LAMA4: variants seen among roughly 807,000 people sequenced by gnomAD.
LAMA4 encodes the protein laminin subunit alpha 4, also known as laminin subunit alpha-4.
Under a neutral mutation model 207.1 loss-of-function variants are expected in LAMA4, and 127 were observed. The ratio of observed to expected loss-of-function variants is 0.61; its 90% CI spans 0.53 to 0.71. The LOEUF (loss-of-function observed/expected upper bound fraction) is 0.71. Ranked by LOEUF, LAMA4 falls within the 30% of genes least tolerant of loss-of-function variation. The pLI, the probability that LAMA4 is intolerant of heterozygous loss-of-function variation, is 0.00. For missense variants in LAMA4, 2,093 were observed against 2,246.5 expected (o/e 0.93, Z 1.38); for synonymous variants, 761 against 816.0 (o/e 0.93, Z 1.15).
At chr6:112,146,215 G>A (rs561571814) in intron 18 of LAMA4, among the ~76,000 whole-genome samples, 16 of 152,042 alleles carry the variant, frequency 1.1e-4, no homozygotes, top group South Asian at 4.2e-4. Context: ...GCTTGAACCC[G>A]AGAGGCAGAG....
Position 112,129,870 on chromosome 6 carries a change from T to C in LAMA4, c.4133+6A>G. Reference sequence around the variant, plus strand: ...TGCAGATTCATTAATAATAAAAATATTATACCTGGTAAAGTAGGCATTACT... The same window carrying C: ...TGCAGATTCATTAATAATAAAAATACTATACCTGGTAAAGTAGGCATTACT... On this transcript the variant is annotated splice_donor_region_variant and intron_variant, in intron 30 of 38. Coordinates refer to ENST00000230538, the MANE Select transcript of LAMA4 (RefSeq NM_001105206.3). 6.4e-7 allele frequency: 1 copy of C among 1,557,002 alleles called. No homozygotes were observed. The highest frequency in any genetic ancestry group is 8.7e-7 in the Non-Finnish European group (1 of 1,143,394).
chr6:112,189,012 C>T (rs1260093303), intron 7 of LAMA4, 98 bp downstream of exon 7: 2 of 870,764 alleles, frequency 2.3e-6, no homozygotes, highest in East Asian at 2.6e-5. Flanking sequence ...TGGGACTCAG[C>T]AGTTTCTAGA....
rs146857350 is a variant in LAMA4 at position 112,197,267 on chromosome 6, T to A, written c.503+4341A>T. On this transcript the variant is annotated intron_variant, in intron 5 of 38. Coordinates refer to ENST00000230538, the MANE Select transcript of LAMA4 (RefSeq NM_001105206.3). The stretch of plus-strand genomic sequence containing the variant: ...GTTTAAAGTGTGAGGTGGGAGAAGG[T>A]TTTTAGGGAGGAAAGACAGGTAGGG... Among the ~76,000 whole-genome samples the A allele has an allele frequency of 7.9e-3, 1,200 of 152,048 alleles. 4 individuals carry two copies. The highest frequency in any genetic ancestry group is 0.012 in the Non-Finnish European group (807 of 67,990).
chr6:112,171,991 G>C (rs1781745258), intron 12 of LAMA4: 1 of 154,092 alleles, frequency 6.5e-6, no homozygotes. Context: ...CCTATCAAAA[G>C]ATGGCCCCTC....
Position 112,148,165 on chromosome 6 carries a change from C to T in LAMA4, c.2345G>A (p.Arg782Lys). 6.2e-7 allele frequency: 1 copy of T among 1,613,682 alleles called. No individual in the cohort carries two copies. Among genetic ancestry groups the T allele is most frequent in the African/African-American group, 1.3e-5 (1 of 75,042 alleles). The change falls in exon 18 of 39, where the codon AGG (arginine) becomes AAG (lysine). Residue 782 changes from arginine (R) to lysine (K), a missense_variant. Arg to Lys is a conservative substitution (Grantham distance 26). Transcript: ENST00000230538. ...AAATTTCTAAGTGATACCTGCATCC[C>T]TAGCAGAGTTCACTGCAGTGTTGTA... The part of the protein sequence containing the change: ...SAYNTAVNSA[R>K]DAVRNLTEVV...
At chr6:112,185,061 A>C (rs1782602264) in intron 9 of LAMA4, among the ~76,000 whole-genome samples, 176 bp downstream of exon 9, 1 of 152,216 alleles carries the variant, frequency 6.6e-6, no homozygotes, top group Non-Finnish European at 1.5e-5. Context: ...GAGACGGTAG[A>C]GACTGAGTAT....
intron 2 of LAMA4, chr6:112,253,602 G>A: frequency 2.6e-6 from 2 of 773,206 alleles, no homozygotes; most frequent in Non-Finnish European, 4.4e-6. Flanking sequence ...GGGCACACAC[G>A]TTAAGTGCCG....
At chr6:112,215,201 A>C (rs1478356012) in intron 3 of LAMA4, among the ~76,000 whole-genome samples, 2 of 152,224 alleles carry the variant, frequency 1.3e-5, no homozygotes, top group African/African-American at 4.8e-5. Flanking sequence ...GTGACAGAGG[A>C]CATCCTGGTT....
intron 2 of LAMA4, among the ~76,000 whole-genome samples, chr6:112,224,381 G>A (rs1319428681): frequency 6.6e-6 from 1 of 151,572 alleles, no homozygotes; most frequent in Non-Finnish European, 1.5e-5. Flanking sequence ...CCTTCTTCTT[G>A]TCCAGCAGAT....
At position 112,155,602 on chromosome 6, in the gene LAMA4, G is replaced by C. The variant is rs397516718; in HGVS notation, c.1922C>G (p.Ala641Gly). 6.2e-7 allele frequency: 1 copy of C among 1,614,066 alleles called. No homozygotes were observed. Among genetic ancestry groups the C allele is most frequent in the South Asian group, 1.1e-5 (1 of 91,076 alleles). ...VNYVSEANET[A>G]EFALNTTDRI... ...GTCAGTGGTGTTCAAAGCAAATTCT[G>C]CTGTTTCATTGGCTTCACTAACATA... is the stretch of plus-strand genomic sequence containing the variant. Residue 641 changes from alanine to glycine, a missense_variant, in exon 15 of 39, where the codon GCA becomes GGA. Ala to Gly is a moderately conservative substitution (Grantham distance 60). Around this residue, in one of 3 missense-constraint regions of LAMA4, gnomAD observed 1,704 missense variants for 1,788.4 expected, o/e 0.95. Coordinates refer to ENST00000230538, the MANE Select transcript of LAMA4 (RefSeq NM_001105206.3).
At chr6:112,144,036 C>T (rs183020750) in intron 19 of LAMA4, among the ~76,000 whole-genome samples, 161 of 152,108 alleles carry the variant, frequency 1.1e-3, no homozygotes, top group East Asian at 6.0e-3. Flanking sequence ...CTGCTCAGGC[C>T]GATTCTTAAC....
chr6:112,233,933 G>A (rs995632301), intron 2 of LAMA4, among the ~76,000 whole-genome samples: 2 of 152,030 alleles, frequency 1.3e-5, no homozygotes, highest in South Asian at 4.1e-4. Flanking sequence ...ATACTCACAT[G>A]GACACGCCAC....
At chr6:112,175,199 G>T in intron 11 of LAMA4, 114 bp downstream of exon 11, 1 of 1,024,844 alleles carries the variant, frequency 9.8e-7, no homozygotes. Flanking sequence ...AAATAGTTCT[G>T]AACACTGGAA....
intron 2 of LAMA4, among the ~76,000 whole-genome samples, chr6:112,234,974 T>G (rs1172516921): frequency 6.6e-6 from 1 of 152,212 alleles, no homozygotes; most frequent in Non-Finnish European, 1.5e-5. Context: ...TACTCTGACC[T>G]TACACAGACA....
At chr6:112,196,578 C>G (rs1783430890) in intron 5 of LAMA4, 1 of 152,196 alleles carries the variant, frequency 6.6e-6, no homozygotes, top group African/African-American at 2.4e-5. Flanking sequence ...GTTGTTCCTA[C>G]TGGGATGAGG....
intron 9 of LAMA4, among the ~76,000 whole-genome samples, chr6:112,182,908 A>G (rs1894681): frequency 0.66 from 99,978 of 152,026 alleles, 33,279 homozygotes; most frequent in East Asian, 0.83. Flanking sequence ...TCTTTTGAGC[A>G]CTGGGTATTT....
chr6:112,141,175 G>C (rs529949049), intron 21 of LAMA4, among the ~76,000 whole-genome samples, 183 bp downstream of exon 21: 1 of 152,012 alleles, frequency 6.6e-6, no homozygotes, highest in South Asian at 2.1e-4. Context: ...TCCTACTAAG[G>C]TGTTTGGGAA....
Position 112,154,921 on chromosome 6 carries a change from G to T in LAMA4, c.1986C>A (p.Ile662=). 6.2e-7 allele frequency: 1 copy of T among 1,612,858 alleles called. No individual in the cohort carries two copies. The highest frequency in any genetic ancestry group is 8.5e-7 in the Non-Finnish European group (1 of 1,178,980). ...TCTCACTTTCATCTTTATGGTAAAT[G>T]ATTTGAGTATCAATCCCACTCACCG... is the stretch of plus-strand genomic sequence containing the variant. ...YDAVSGIDTQ[I]IYHKDESENL... is the part of the protein sequence containing the mutation. Residue 662 remains isoleucine, a synonymous_variant, in exon 16 of 39, where the codon ATC becomes ATA. Coordinates refer to ENST00000230538, the MANE Select transcript of LAMA4 (RefSeq NM_001105206.3).
chr6:112,139,324 T>C (rs782250067), intron 23 of LAMA4, 33 bp from the exon 24 acceptor site: 2 of 1,611,400 alleles, frequency 1.2e-6, no homozygotes, highest in Non-Finnish European at 8.5e-7. Context: ...ATTTGAACAC[T>C]ACAGTTTCTG....
Sources: gnomAD v4.1 joint callset for allele counts (sites outside exome capture counted in the v4.1 genomes callset) on GRCh38, gnomAD v4.1.1 for gene constraint, gnomAD v4.1.1 regional missense constraint, MANE v1.5 for transcripts, NCBI Gene and HGNC (gene_info 2026-07-23, HGNC 2026-07-21) for gene names.